RREB1: variants seen among roughly 807,000 people sequenced by gnomAD.
The protein encoded by RREB1 is ras responsive element binding protein 1, also known as ras-responsive element-binding protein 1.
A neutral mutation model predicts 117.8 loss-of-function variants in RREB1; 27 were observed. The ratio of observed to expected loss-of-function variants is 0.23; its 90% CI spans 0.17 to 0.32. RREB1 has a LOEUF of 0.32. Among genes scored for constraint, RREB1 ranks in the 10% least tolerant of loss-of-function variants. The pLI, the probability that RREB1 is intolerant of heterozygous loss-of-function variation, is 1.00. For missense variants in RREB1, 2,577 were observed against 2,378.2 expected, an observed-to-expected ratio of 1.08 and a Z score of -1.74; for synonymous variants, 1,298 against 1,026.7, an observed-to-expected ratio of 1.26 and a Z score of -5.05.
At chr6:7,142,306 C>T (rs1027757555) in intron 1 of RREB1, among the ~76,000 whole-genome samples, 3 of 152,248 alleles carry the variant, frequency 2.0e-5, no homozygotes, top group Non-Finnish European at 2.9e-5. Flanking sequence ...CGCTTTTACA[C>T]CCTCCTCCGA....
At chr6:7,203,325 C>G (rs895693313) in intron 6 of RREB1, among the ~76,000 whole-genome samples, 1 of 152,202 alleles carries the variant, frequency 6.6e-6, no homozygotes, top group Non-Finnish European at 1.5e-5. Context: ...CCACTGCACT[C>G]TAGCCTGGGT....
intron 10 of RREB1, among the ~76,000 whole-genome samples, chr6:7,237,229 G>A (rs543419766): frequency 5.3e-5 from 8 of 151,986 alleles, no homozygotes; most frequent in Non-Finnish European, 1.2e-4. Context: ...GGGATTACAG[G>A]TGCGCGCCAC....
chr6:7,112,611 A>G (rs924139960), intron 1 of RREB1, among the ~76,000 whole-genome samples: 6 of 152,172 alleles, frequency 3.9e-5, no homozygotes, highest in African/African-American at 1.4e-4. Context: ...TAAAAGGTAC[A>G]CCGTATGAAA....
At chr6:7,123,319 G>A (rs990848275) in intron 1 of RREB1, among the ~76,000 whole-genome samples, 6 of 152,022 alleles carry the variant, frequency 3.9e-5, no homozygotes, top group East Asian at 1.9e-4. Context: ...GTGCCGCCAC[G>A]CCCAGCTAAT....
intron 1 of RREB1, among the ~76,000 whole-genome samples, chr6:7,141,194 C>G (rs2113385332): frequency 6.6e-6 from 1 of 152,178 alleles, no homozygotes; most frequent in South Asian, 2.1e-4. Context: ...GGCCATCAGT[C>G]AGGGCGGCGG....
At chr6:7,182,550 C>T (rs1764864461) in intron 4 of RREB1, among the ~76,000 whole-genome samples, 1 of 152,172 alleles carries the variant, frequency 6.6e-6, no homozygotes, top group South Asian at 2.1e-4. Context: ...GCTGTTTAGT[C>T]ATCTTGGATT....
intron 1 of RREB1, chr6:7,140,942 A>G (rs1762541739): frequency 6.6e-6 from 1 of 152,224 alleles, no homozygotes; most frequent in East Asian, 1.9e-4. Context: ...CGAGGGGAAA[A>G]CTGCGGGTGC....
intron 2 of RREB1, among the ~76,000 whole-genome samples, chr6:7,177,242 A>AAC (rs1561762923): frequency 2.0e-5 from 3 of 148,024 alleles, no homozygotes; most frequent in African/African-American, 7.5e-5. Context: ...AAAAAAAAAA[A>AAC]GGAGGAAAGA....
chr6:7,182,171 TG>T, intron 4 of RREB1, 89 bp downstream of exon 4: 1 of 1,234,524 alleles, frequency 8.1e-7, no homozygotes, highest in Non-Finnish European at 1.1e-6. Flanking sequence ...GATAAAACCT[TG>T]GAAGAATTGG....
chr6:7,150,133 T>C (rs1415607847), intron 1 of RREB1, among the ~76,000 whole-genome samples: 2 of 152,284 alleles, frequency 1.3e-5, no homozygotes, highest in Non-Finnish European at 2.9e-5. Flanking sequence ...TATATATTAA[T>C]GGACATTTTC....
chr6:7,128,776 C>G (rs1762039126), intron 1 of RREB1, among the ~76,000 whole-genome samples: 1 of 152,094 alleles, frequency 6.6e-6, no homozygotes, highest in African/African-American at 2.4e-5. Flanking sequence ...CGAGACCAGC[C>G]TGGCCAATAT....
intron 1 of RREB1, among the ~76,000 whole-genome samples, chr6:7,167,520 A>AT (rs1764003802): frequency 6.6e-6 from 1 of 151,702 alleles, no homozygotes; most frequent in Non-Finnish European, 1.5e-5. Context: ...CGCCCAGCTA[A>AT]TTTTTTGTAT....
intron 1 of RREB1, among the ~76,000 whole-genome samples, chr6:7,132,426 A>G (rs1302413312): frequency 6.6e-6 from 1 of 152,090 alleles, no homozygotes; most frequent in Non-Finnish European, 1.5e-5. Flanking sequence ...TTGGCCTTCT[A>G]AAGTGGTGGG....
upstream of RREB1, chr6:7,107,891 G>A (rs1324734692): frequency 1.3e-5 from 2 of 153,026 alleles, no homozygotes; most frequent in African/African-American, 2.4e-5. Context: ...CTCCCTCCCT[G>A]TGGGAGAAGA....
intron 1 of RREB1, among the ~76,000 whole-genome samples, chr6:7,108,947 T>G (rs1400676316): frequency 6.6e-6 from 1 of 150,470 alleles, no homozygotes; most frequent in African/African-American, 2.4e-5. Flanking sequence ...CGGGCACGTA[T>G]TGTTCCCTCG....
rs116683035 is a variant in RREB1, at chr6:7,248,757, G to A, written c.5018G>A (p.Arg1673Gln). ...ASNHMAVTRS[R>Q]KEGLASATKD... The stretch of plus-strand genomic sequence containing the variant: ...AACCACATGGCTGTCACCCGGAGCC[G>A]GAAGGAGGGCTTGGCCAGTGCCACC... Residue 1673 changes from arginine (R) to glutamine (Q), a missense_variant, in exon 13 of 13, where the codon CGG becomes CAG. Transcript: ENST00000379938. 33,194 of 1,614,084 alleles carry A rather than the reference G, an allele frequency of 0.021. 409 individuals are homozygous for A. The highest frequency in any genetic ancestry group is 0.025 in the Non-Finnish European group (29,352 of 1,179,996).
At chr6:7,144,363 G>A (rs1561742653) in intron 1 of RREB1, among the ~76,000 whole-genome samples, 1 of 152,134 alleles carries the variant, frequency 6.6e-6, no homozygotes, top group Non-Finnish European at 1.5e-5. Context: ...ATTATAATGT[G>A]AAACTTAATT....
At chr6:7,197,543 G>A (rs1765734390) in intron 6 of RREB1, among the ~76,000 whole-genome samples, 1 of 152,176 alleles carries the variant, frequency 6.6e-6, no homozygotes, top group Admixed American at 6.5e-5. Flanking sequence ...AAATTAGCCA[G>A]ATTACCCATA....
At chr6:7,117,828 C>T (rs748860991) in intron 1 of RREB1, among the ~76,000 whole-genome samples, 3 of 152,152 alleles carry the variant, frequency 2.0e-5, no homozygotes, top group Non-Finnish European at 2.9e-5. Context: ...CCTCCTACCT[C>T]AGCCTCCCAA....
Sources: gnomAD v4.1 joint callset for allele counts (sites outside exome capture counted in the v4.1 genomes callset) on GRCh38, gnomAD v4.1.1 for gene constraint, MANE v1.5 for transcripts, NCBI Gene and HGNC (gene_info 2026-07-23, HGNC 2026-07-21) for gene names.